The following HCN1 variants were observed in gnomAD, a reference collection of about 807,000 sequenced individuals.
HCN1 encodes the protein hyperpolarization activated cyclic nucleotide gated potassium channel 1.
HCN1 carries 13 observed loss-of-function variants against 78.9 expected under a neutral mutation model. The ratio of observed to expected loss-of-function variants is 0.16; its 90% CI spans 0.11 to 0.26. HCN1 has a LOEUF of 0.26. HCN1 is among the 10% of genes least tolerant of loss of function. HCN1 has a pLI of 1.00. For synonymous variants in HCN1, 552 were observed against 455.5 expected (o/e 1.21, Z -2.70); for missense variants, 810 against 1,154.3 (o/e 0.70, Z 4.32).
intron 2 of HCN1, among the ~76,000 whole-genome samples, chr5:45,477,928 C>T (rs984154134): frequency 8.6e-5 from 13 of 151,900 alleles, no homozygotes; most frequent in Admixed American, 8.5e-4. Flanking sequence ...GTTGAGAACG[C>T]AGAAAAAAAG....
intron 3 of HCN1, 36 bp from the exon 4 acceptor site, chr5:45,396,746 A>G: frequency 6.6e-7 from 1 of 1,519,846 alleles, no homozygotes; most frequent in Non-Finnish European, 9.1e-7. Context: ...TGACTGAGCC[A>G]TTAGGATGGC....
chr5:45,287,280 C>T (rs1448896150), intron 6 of HCN1, among the ~76,000 whole-genome samples: 1 of 151,880 alleles, frequency 6.6e-6, no homozygotes, highest in Non-Finnish European at 1.5e-5. Flanking sequence ...AACCTCTAGG[C>T]TCATACATTT....
chr5:45,583,286 C>A (rs548844356), intron 2 of HCN1, among the ~76,000 whole-genome samples: 1 of 152,286 alleles, frequency 6.6e-6, no homozygotes, highest in South Asian at 2.1e-4. Flanking sequence ...TTATCCATTT[C>A]TTCTAGATTT....
intron 4 of HCN1, among the ~76,000 whole-genome samples, chr5:45,373,380 TAA>T (rs1491307718): frequency 8.9e-6 from 1 of 111,842 alleles, no homozygotes; most frequent in Non-Finnish European, 1.6e-5. Flanking sequence ...ATATTTTATA[TAA>T]TATATGTAAA....
chr5:45,493,434 C>T (rs879890092), intron 2 of HCN1, among the ~76,000 whole-genome samples: 1 of 151,748 alleles, frequency 6.6e-6, no homozygotes, highest in Non-Finnish European at 1.5e-5. Context: ...TTTATATATT[C>T]CTTTTACATA....
intron 2 of HCN1, among the ~76,000 whole-genome samples, chr5:45,539,959 T>TATAA (rs1743064484): frequency 1.5e-5 from 2 of 136,714 alleles, no homozygotes; most frequent in African/African-American, 5.6e-5. Flanking sequence ...TATATATATA[T>TATAA]AAAATGTTTA....
chr5:45,264,134 T>A (rs1235983947), intron 7 of HCN1, among the ~76,000 whole-genome samples: 2 of 152,174 alleles, frequency 1.3e-5, no homozygotes, highest in Non-Finnish European at 2.9e-5. Flanking sequence ...TGAGACTGAC[T>A]TTATGATCTT....
intron 1 of HCN1, among the ~76,000 whole-genome samples, chr5:45,681,108 G>C (rs781570158): frequency 6.6e-6 from 1 of 152,156 alleles, no homozygotes; most frequent in African/African-American, 2.4e-5. Context: ...TTCCATCCCA[G>C]TTTCAGCTGC....
intron 3 of HCN1, among the ~76,000 whole-genome samples, chr5:45,430,352 T>C (rs1404372694): frequency 6.6e-6 from 1 of 152,074 alleles, no homozygotes; most frequent in East Asian, 1.9e-4. Flanking sequence ...CTGTGTGTCT[T>C]AGGGGTTTGG....
chr5:45,583,366 G>A (rs1396860348), intron 2 of HCN1, among the ~76,000 whole-genome samples: 1 of 152,138 alleles, frequency 6.6e-6, no homozygotes. Context: ...GGGATCAGCG[G>A]TGACATCCCC....
chr5:45,353,615 G>C (rs1415579295), intron 4 of HCN1, among the ~76,000 whole-genome samples: 2 of 151,896 alleles, frequency 1.3e-5, no homozygotes, highest in Non-Finnish European at 2.9e-5. Context: ...TTTGGCTGTC[G>C]ATTTTTAAGA....
chr5:45,324,280 A>G (rs1478981835), intron 5 of HCN1, among the ~76,000 whole-genome samples: 2 of 152,026 alleles, frequency 1.3e-5, no homozygotes, highest in Admixed American at 6.6e-5. Flanking sequence ...AATATCCAGA[A>G]TCTACAATGA....
rs1001328142 is a variant in HCN1, at chr5:45,296,448, T to A, written c.1618+7151A>T. Reference sequence around the variant, plus strand: ...ATTAAAATATGACACCAAATTTGTATGAGGCAGAAAATGAAGTTCTTAGAG... The same window carrying A: ...ATTAAAATATGACACCAAATTTGTAAGAGGCAGAAAATGAAGTTCTTAGAG... On this transcript the variant is annotated intron_variant, in intron 6 of 7. Coordinates refer to ENST00000303230, the MANE Select transcript of HCN1 (RefSeq NM_021072.4). 7.9e-5 allele frequency among the ~76,000 whole-genome samples: 12 copies of A among 151,996 alleles called. No individual in the cohort carries two copies. The Middle Eastern group carries it at 0.014, about 175-fold the overall frequency.
intron 3 of HCN1, among the ~76,000 whole-genome samples, chr5:45,398,876 G>C (rs1408907887): frequency 6.6e-6 from 1 of 152,188 alleles, no homozygotes; most frequent in African/African-American, 2.4e-5. Context: ...CAATTTTGCA[G>C]CAGCTTTCAA....
intron 3 of HCN1, among the ~76,000 whole-genome samples, chr5:45,431,975 T>C (rs2112077925): frequency 6.6e-6 from 1 of 152,316 alleles, no homozygotes; most frequent in South Asian, 2.1e-4. Context: ...TATGAGAATG[T>C]CATTGGTAGT....
intron 2 of HCN1, among the ~76,000 whole-genome samples, chr5:45,608,357 A>ATGTG (rs397970171): frequency 0.032 from 4,485 of 140,438 alleles, 99 homozygotes; most frequent in East Asian, 0.085. Flanking sequence ...GGATGGGTGT[A>ATGTG]TGTGTGTGTG....
At chr5:45,465,140 C>T (rs1399724114) in intron 2 of HCN1, among the ~76,000 whole-genome samples, 3 of 151,966 alleles carry the variant, frequency 2.0e-5, no homozygotes, top group African/African-American at 7.3e-5. Context: ...ATGAATGACC[C>T]TCAGTAAATT....
At chr5:45,524,205 G>T (rs1185055232) in intron 2 of HCN1, among the ~76,000 whole-genome samples, 4 of 152,134 alleles carry the variant, frequency 2.6e-5, no homozygotes, top group Non-Finnish European at 5.9e-5. Context: ...GCTCTGTTCT[G>T]TTCCATTGAT....
chr5:45,659,176 AC>A (rs1167667460), intron 1 of HCN1, among the ~76,000 whole-genome samples: 1 of 148,994 alleles, frequency 6.7e-6, no homozygotes, highest in Admixed American at 6.7e-5. Flanking sequence ...ACTGGGAGGC[AC>A]CCCCCAGCAG....
Sources: gnomAD v4.1 joint callset for allele counts (sites outside exome capture counted in the v4.1 genomes callset) on GRCh38, gnomAD v4.1.1 for gene constraint, MANE v1.5 for transcripts, NCBI Gene and HGNC (gene_info 2026-07-23, HGNC 2026-07-21) for gene names.